Variants in FAM167A observed in about 807,000 individuals in gnomAD.
The protein encoded by FAM167A is protein FAM167A.
In FAM167A, 23 loss-of-function variants were observed where a neutral mutation model predicts 14.9. The observed-to-expected ratio is 1.55, with a 90% CI of 1.11 to 2.19. The LOEUF (loss-of-function observed/expected upper bound fraction) is 2.19, where lower values mean the gene tolerates loss of function less well. Ranked by LOEUF, FAM167A falls within the 30% of genes most tolerant of loss-of-function variation. FAM167A has a pLI of 0.00. For synonymous variants in FAM167A, 174 were observed against 117.7 expected (o/e 1.48, Z -3.10); for missense variants, 401 against 281.5 (o/e 1.42, Z -3.04).
intron 1 of FAM167A, chr8:11,445,710 C>T (rs1335716738): frequency 2.7e-6 from 2 of 751,364 alleles, no homozygotes; most frequent in Admixed American, 1.3e-4. Flanking sequence ...CCGCAGCCTC[C>T]AGACTCTGTG....
intron 2 of FAM167A, among the ~76,000 whole-genome samples, chr8:11,437,808 G>A (rs1170305557): frequency 6.6e-6 from 1 of 152,198 alleles, no homozygotes; most frequent in African/African-American, 2.4e-5. Flanking sequence ...GAAGAAACGT[G>A]AATGGGAAAT....
intron 1 of FAM167A, among the ~76,000 whole-genome samples, chr8:11,474,445 C>T (rs759147236): frequency 5.9e-5 from 9 of 152,216 alleles, no homozygotes; most frequent in Non-Finnish European, 1.2e-4. Context: ...GGCACAGACT[C>T]CAGAGCACTT....
At chr8:11,471,696 C>A (rs1333181012), upstream of FAM167A, among the ~76,000 whole-genome samples, 1 of 152,192 alleles carries the variant, frequency 6.6e-6, no homozygotes, top group Non-Finnish European at 1.5e-5. Flanking sequence ...GAGAACCCTG[C>A]CCTGCGCTTT....
chr8:11,457,893 G>A (rs923104717), intron 1 of FAM167A, among the ~76,000 whole-genome samples: 5 of 152,200 alleles, frequency 3.3e-5, no homozygotes, highest in African/African-American at 1.2e-4. Context: ...AACTGTGGGA[G>A]TCTGTGGTCC....
At chr8:11,458,073 A>T (rs552174135) in intron 1 of FAM167A, among the ~76,000 whole-genome samples, 1 of 42,444 alleles carries the variant, frequency 2.4e-5, no homozygotes, top group Admixed American at 1.9e-4. Flanking sequence ...TCCAGATGAC[A>T]TCTCCCCAGC....
rs889527016 is a variant in FAM167A, at chr8:11,422,125, G to A, written c.*2248C>T. ...TCTTAGTTTCCACCCAGAGAATGAA[G>A]AAAGCAAGCAAGCACTGGGTTACCC... On this transcript the variant is annotated 3_prime_UTR_variant, in exon 3 of 3. Transcript: ENST00000284486. 1.2e-4 allele frequency: 35 copies of A among 286,916 alleles called. No individual in the cohort carries two copies. Among genetic ancestry groups the A allele is most frequent in the African/African-American group, 7.2e-4 (33 of 46,004 alleles). 17.8% of individuals were successfully genotyped at this position (286,916 alleles called of 1,614,324 possible). A position where few individuals can be genotyped will look rare whatever the true frequency, so the allele number is the denominator to read the frequency against.
upstream of FAM167A, among the ~76,000 whole-genome samples, chr8:11,470,955 C>T (rs900197670): frequency 6.6e-6 from 1 of 152,162 alleles, no homozygotes; most frequent in South Asian, 2.1e-4. Flanking sequence ...ACAATGAGGG[C>T]CAGCTTTCTG....
chr8:11,450,987 C>A (rs58319820), intron 1 of FAM167A, among the ~76,000 whole-genome samples: 31,206 of 152,272 alleles, frequency 0.2, 3,492 homozygotes, highest in Middle Eastern at 0.24. Context: ...TCTGATGTGA[C>A]AGACCTAGCT....
At chr8:11,475,379 G>C (rs1488307362) in intron 1 of FAM167A, among the ~76,000 whole-genome samples, 1 of 152,118 alleles carries the variant, frequency 6.6e-6, no homozygotes, top group Non-Finnish European at 1.5e-5. Flanking sequence ...AAATACTTTA[G>C]AGTGTCTGCA....
intron 2 of FAM167A, among the ~76,000 whole-genome samples, chr8:11,437,291 G>A (rs77519780): frequency 0.051 from 7,811 of 152,100 alleles, 403 homozygotes; most frequent in African/African-American, 0.13. Context: ...GTGCCTACCC[G>A]GAAAGATTGC....
intron 2 of FAM167A, chr8:11,438,182 C>A (rs1290927924): frequency 2.2e-6 from 1 of 454,396 alleles, no homozygotes; most frequent in Non-Finnish European, 4.4e-6. Context: ...CCTCTCTCAG[C>A]CCCGGAATCG....
rs766964731 is a variant in FAM167A, at chr8:11,444,030, C to G, written c.381+1G>C. 6.2e-7 allele frequency: 1 copy of G among 1,609,758 alleles called. No individual in the cohort carries two copies. The highest frequency in any genetic ancestry group is 1.1e-5 in the South Asian group (1 of 90,734). ...GGGGATTCTTGGGGGCAGCCACTCA[C>G]CAGTTCCTTCCTGAGCCAGGCTATA... On this transcript the variant is annotated splice_donor_variant, in intron 2 of 2. Transcript: ENST00000284486. LOFTEE classifies it high-confidence loss of function.
At chr8:11,436,415 G>T (rs554479768) in intron 2 of FAM167A, among the ~76,000 whole-genome samples, 1 of 152,196 alleles carries the variant, frequency 6.6e-6, no homozygotes, top group African/African-American at 2.4e-5. Context: ...GCCCAGGTAC[G>T]GCTGTTCTTG....
chr8:11,440,976 C>T (rs1806400830), intron 2 of FAM167A, among the ~76,000 whole-genome samples: 2 of 152,176 alleles, frequency 1.3e-5, no homozygotes, highest in Non-Finnish European at 2.9e-5. Flanking sequence ...TTCTCCAACG[C>T]TGAACTCTCA....
chr8:11,434,161 A>C (rs1341416588), intron 2 of FAM167A: 3 of 152,220 alleles, frequency 2.0e-5, no homozygotes, highest in East Asian at 1.9e-4. Flanking sequence ...TGATTTCCAG[A>C]GGAAGGCTGG....
chr8:11,470,298 G>A (rs1807917228), upstream of FAM167A, among the ~76,000 whole-genome samples: 1 of 152,172 alleles, frequency 6.6e-6, no homozygotes, highest in Non-Finnish European at 1.5e-5. Flanking sequence ...GATGGAGGGG[G>A]TCTTGTGGTG....
At chr8:11,440,364 T>G (rs1003736307) in intron 2 of FAM167A, among the ~76,000 whole-genome samples, 1 of 152,176 alleles carries the variant, frequency 6.6e-6, no homozygotes, top group African/African-American at 2.4e-5. Context: ...CTGATCTACT[T>G]GCTGATCCCT....
chr8:11,434,094 G>C (rs562094181), intron 2 of FAM167A: 1 of 152,224 alleles, frequency 6.6e-6, no homozygotes, highest in Non-Finnish European at 1.5e-5. Flanking sequence ...GGAGGTTCCG[G>C]GGAAATGTGA....
intron 1 of FAM167A, among the ~76,000 whole-genome samples, chr8:11,445,930 C>A (rs1174481981): frequency 6.6e-6 from 1 of 150,824 alleles, no homozygotes; most frequent in Non-Finnish European, 1.5e-5. Flanking sequence ...TTCTCAGCAG[C>A]CTGGAGAGTA....
Sources: gnomAD v4.1 joint callset for allele counts (sites outside exome capture counted in the v4.1 genomes callset) on GRCh38, gnomAD v4.1.1 for gene constraint, MANE v1.5 for transcripts, NCBI Gene and HGNC (gene_info 2026-07-23, HGNC 2026-07-21) for gene names.